Variants in SEPHS1 observed in about 807,000 individuals in gnomAD.
The protein encoded by SEPHS1 is selenophosphate synthetase 1, also known as zincore component SEPHS1.
SEPHS1 carries 7 observed loss-of-function variants against 39.2 expected under a neutral mutation model. The observed-to-expected ratio is 0.18, with a 90% CI of 0.10 to 0.34. The LOEUF (loss-of-function observed/expected upper bound fraction) is 0.34, where lower values mean the gene tolerates loss of function less well. Ranked by LOEUF, SEPHS1 falls within the 10% of genes least tolerant of loss-of-function variation. The pLI is 1.00. For missense variants in SEPHS1, 253 were observed against 514.5 expected (o/e 0.49, Z 4.92); for synonymous variants, 190 against 195.5 (o/e 0.97, Z 0.23).
chr10:13,336,938 G>A (rs1310853781), intron 3 of SEPHS1, among the ~76,000 whole-genome samples: 2 of 152,164 alleles, frequency 1.3e-5, no homozygotes, highest in African/African-American at 4.8e-5. Flanking sequence ...ATCACTTGAG[G>A]CCAGGAGTTA....
intron 1 of SEPHS1, among the ~76,000 whole-genome samples, chr10:13,346,036 C>G (rs1260300713): frequency 6.6e-6 from 1 of 152,206 alleles, no homozygotes; most frequent in African/African-American, 2.4e-5. Flanking sequence ...GTGCTATTTC[C>G]TAGAAAGCAA....
chr10:13,341,907 AG>A lies in SEPHS1; in HGVS notation c.193+2850del, dbSNP rs1446477317. 2.0e-5 allele frequency among the ~76,000 whole-genome samples: 3 copies of A among 150,618 alleles called. No homozygotes were observed. The Admixed American group carries it at 2.0e-4, about 10-fold the overall frequency. On this transcript the variant is annotated intron_variant, in intron 2 of 8. Coordinates refer to ENST00000327347, the MANE Select transcript of SEPHS1 (RefSeq NM_012247.5). ...TGGGAGGGCCTTGAACCCGGGAGGC[AG>A]AGGTTGCAGTGAGCTGAGATTGCAC...
rs1209831468 is a variant in SEPHS1 at position 13,323,105 on chromosome 10, T to TA, written c.752-59dup. 20 of 1,390,234 alleles carry TA rather than the reference T, an allele frequency of 1.4e-5. No homozygotes were observed. The African/African-American group carries it at 2.7e-4, about 19-fold the overall frequency. The allele number at this position is 1,390,234 out of a possible 1,614,324, so 86.1% of individuals were successfully genotyped here. ...ACACCTTTCCTCAACTCAAAAATCTTACGTCCACAATTAATCTGCAACTTC... is the reference window on the plus strand; with the variant it reads ...ACACCTTTCCTCAACTCAAAAATCTTAACGTCCACAATTAATCTGCAACTTC... On this transcript the variant is annotated intron_variant, in intron 7 of 8. Transcript: ENST00000327347.
At chr10:13,328,494 GTGATTAATCTTTACTTC>G in intron 6 of SEPHS1, 44 bp from the exon 7 acceptor site, 1 of 1,342,050 alleles carries the variant, frequency 7.5e-7, no homozygotes, top group South Asian at 1.2e-5. Flanking sequence ...AGAGGAAAAT[GTGATTAATCTTTACTTC>G]TAGCAACTGA....
Position 13,344,801 on chromosome 10 carries a change from G to A in SEPHS1, c.150C>T (p.Phe50=). The change falls in exon 2 of 9, where the codon TTC becomes TTT. Residue 50 remains phenylalanine, a synonymous_variant. Coordinates refer to ENST00000327347, the MANE Select transcript of SEPHS1 (RefSeq NM_012247.5). ...CTCCCAGAAACTGCTCATCTTCTTG[G>A]AAGTGGTTCTCCTGTAAAGATTCCA... ...KLLESLQENH[F]QEDEQFLGAV... 1 of 1,585,692 alleles carries A rather than the reference G, an allele frequency of 6.3e-7. No homozygotes were observed. Among genetic ancestry groups the A allele is most frequent in the East Asian group, 2.3e-5 (1 of 43,494 alleles).
chr10:13,321,636 A>G (rs1983830), intron 8 of SEPHS1, among the ~76,000 whole-genome samples: 76,820 of 152,074 alleles, frequency 0.51, 19,673 homozygotes, highest in East Asian at 0.69. Context: ...AAAAAAAGGG[A>G]AAAACAGGGA....
At chr10:13,341,976 A>AG (rs1231991040) in intron 2 of SEPHS1, among the ~76,000 whole-genome samples, 1 of 115,912 alleles carries the variant, frequency 8.6e-6, no homozygotes, top group African/African-American at 2.7e-5. Flanking sequence ...CTCTATCTCA[A>AG]GGAAAAAAAA....
At chr10:13,324,434 C>T (rs146217701) in intron 7 of SEPHS1, among the ~76,000 whole-genome samples, 525 of 152,264 alleles carry the variant, frequency 3.4e-3, no homozygotes, top group African/African-American at 0.012. Context: ...AAGTTTTCAA[C>T]TTTTTTGAGT....
intron 8 of SEPHS1, among the ~76,000 whole-genome samples, chr10:13,322,524 G>A (rs960410827): frequency 6.6e-6 from 1 of 152,088 alleles, no homozygotes; most frequent in Non-Finnish European, 1.5e-5. Context: ...AGTAACCTAG[G>A]GGTATTACAG....
intron 2 of SEPHS1, among the ~76,000 whole-genome samples, chr10:13,343,528 C>T (rs1329548389): frequency 1.3e-5 from 2 of 152,024 alleles, no homozygotes; most frequent in Non-Finnish European, 2.9e-5. Flanking sequence ...GAAATGAAAA[C>T]CTTGGCTGGG....
rs944753847 is a variant in SEPHS1 at position 13,348,242 on chromosome 10, G to A, written c.-321C>T. 4.0e-5 allele frequency: 6 copies of A among 148,510 alleles called. No individual in the cohort carries two copies. The highest frequency in any genetic ancestry group is 1.5e-4 in the African/African-American group (6 of 40,680). The allele number at this position is 148,510 out of a possible 1,614,324, so 9.2% of individuals were successfully genotyped here. A position where few individuals can be genotyped will look rare whatever the true frequency, so the allele number is the denominator to read the frequency against. On this transcript the variant is annotated 5_prime_UTR_variant, in exon 1 of 9. Coordinates refer to ENST00000327347, the MANE Select transcript of SEPHS1 (RefSeq NM_012247.5). ...GGCTGGGCGCGCGGGGGTCCTTTAA[G>A]GCCGGCCACCTCCCTTTAAGAGGCG...
intron 1 of SEPHS1, among the ~76,000 whole-genome samples, chr10:13,346,412 C>T (rs7902331): frequency 0.09 from 13,759 of 152,174 alleles, 743 homozygotes; most frequent in African/African-American, 0.15. Context: ...ATAAATCTCA[C>T]GAAGCCCGAG....
rs955853836 is a variant in SEPHS1 at position 13,329,622 on chromosome 10, T to C, written c.651+76A>G. 22 of 1,144,988 alleles carry C rather than the reference T, an allele frequency of 1.9e-5. 1 individual carries two copies. The highest frequency in any genetic ancestry group is 2.1e-4 in the Middle Eastern group (1 of 4,810). 70.9% of individuals were successfully genotyped at this position (1,144,988 alleles called of 1,614,324 possible). A position where few individuals can be genotyped will look rare whatever the true frequency, so the allele number is the denominator to read the frequency against. Reference sequence around the variant, plus strand: ...TGGATATGAAACTAAAAAACCTCATTTCCCAAATCCTCCAACAAAAATTAC... The same window carrying C: ...TGGATATGAAACTAAAAAACCTCATCTCCCAAATCCTCCAACAAAAATTAC... On this transcript the variant is annotated intron_variant, in intron 6 of 8. Coordinates refer to ENST00000327347, the MANE Select transcript of SEPHS1 (RefSeq NM_012247.5).
intron 4 of SEPHS1, among the ~76,000 whole-genome samples, chr10:13,334,403 TGGTA>T (rs2130671087): frequency 6.6e-6 from 1 of 152,198 alleles, no homozygotes; most frequent in East Asian, 1.9e-4. Flanking sequence ...TAGCCGGGTG[TGGTA>T]GCATGCGCCT....
rs1833158659 is a variant in SEPHS1, at chr10:13,322,975, G to A, written c.824C>T (p.Ala275Val). The A allele has an allele frequency of 2.5e-6, 4 of 1,613,966 alleles. No individual in the cohort carries two copies. Among genetic ancestry groups the A allele is most frequent in the Non-Finnish European group, 3.4e-6 (4 of 1,179,992 alleles). ...DITGFGILGH[A>V]QNLAKQQRNE... ...CCTCTGCTGCTTGGCCAGGTTCTGCGCATGGCCCAAAATCCCGAAGCCCGT... is the reference window on the plus strand; with the variant it reads ...CCTCTGCTGCTTGGCCAGGTTCTGCACATGGCCCAAAATCCCGAAGCCCGT... Residue 275 changes from alanine to valine, a missense_variant, in exon 8 of 9, where the codon GCG becomes GTG. Physicochemically the swap from Ala to Val is moderately conservative, Grantham distance 64. Coordinates refer to ENST00000327347, the MANE Select transcript of SEPHS1 (RefSeq NM_012247.5).
At chr10:13,332,472 C>T (rs553847983) in intron 5 of SEPHS1, among the ~76,000 whole-genome samples, 6 of 152,212 alleles carry the variant, frequency 3.9e-5, no homozygotes, top group Non-Finnish European at 8.8e-5. Flanking sequence ...TACTAAAAAC[C>T]AACACATTGT....
chr10:13,319,147 A>C lies in SEPHS1; in HGVS notation c.1174T>G (p.Ser392Ala). 1.9e-6 allele frequency: 3 copies of C among 1,612,364 alleles called. No individual in the cohort carries two copies. The highest frequency in any genetic ancestry group is 2.5e-6 in the Non-Finnish European group (3 of 1,179,482). ...QNVNPTPGAT[S>A] ...AACAGCTATTTCTGTCTAGATTAAG[A>C]GGTGGCCCCGGGTGTGGGATTCACA... The change falls in exon 9 of 9, where the codon TCT becomes GCT. Residue 392 changes from serine (S) to alanine (A), a missense_variant. By Grantham distance (99) the Ser-to-Ala change is moderately conservative. Transcript: ENST00000327347.
chr10:13,338,351 T>C (rs1381729211), intron 3 of SEPHS1, among the ~76,000 whole-genome samples: 1 of 152,152 alleles, frequency 6.6e-6, no homozygotes, highest in Non-Finnish European at 1.5e-5. Context: ...ACAGGGGTGA[T>C]GGAGGTTACC....
chr10:13,336,469 T>C, intron 3 of SEPHS1, 119 bp from the exon 4 acceptor site: 1 of 734,912 alleles, frequency 1.4e-6, no homozygotes, highest in Non-Finnish European at 2.4e-6. Flanking sequence ...TAGCAGCTAC[T>C]AGGATGGGGT....
Sources: allele counts gnomAD v4.1 joint callset (sites outside exome capture counted in the v4.1 genomes callset), GRCh38; gene constraint gnomAD v4.1.1; transcripts MANE v1.5; gene names NCBI Gene and HGNC (gene_info 2026-07-23, HGNC 2026-07-21).